EXOC4: variants seen among roughly 807,000 people sequenced by gnomAD.
The protein encoded by EXOC4 is SEC8-like 1.
EXOC4 carries 71 observed loss-of-function variants against 107.2 expected under a neutral mutation model. That is an observed-to-expected ratio of 0.66 (90% CI 0.55 to 0.81). EXOC4 has a LOEUF of 0.81. EXOC4 is among the 30% of genes least tolerant of loss of function. EXOC4 has a pLI of 0.00. For missense variants in EXOC4, 1,108 were observed against 1,189.6 expected (o/e 0.93, Z 1.01); for synonymous variants, 456 against 441.2 (o/e 1.03, Z -0.42).
chr7:133,342,350 G>A (rs1049955969), intron 5 of EXOC4, among the ~76,000 whole-genome samples: 1 of 152,080 alleles, frequency 6.6e-6, no homozygotes, highest in African/African-American at 2.4e-5. Context: ...GTTTAAGGAG[G>A]CTAAATATAG....
chr7:133,768,052 C>G (rs544151096), intron 10 of EXOC4: 1 of 152,092 alleles, frequency 6.6e-6, no homozygotes, highest in East Asian at 1.9e-4. Context: ...ATGATTTGAA[C>G]AGTTTGAGCC....
At position 133,901,513 on chromosome 7, in the gene EXOC4, A is replaced by G. The variant is rs577211287; in HGVS notation, c.1871+5778A>G. On this transcript the variant is annotated intron_variant, in intron 12 of 17. Transcript: ENST00000253861. The stretch of plus-strand genomic sequence containing the variant: ...GCCAGCTTTTCTACCTACTATTTAT[A>G]TGACACTGAAAAGCTCCTCAGCCTC... Among the ~76,000 whole-genome samples the G allele has an allele frequency of 1.6e-4, 24 of 152,280 alleles. No individual in the cohort carries two copies. In the South Asian group the frequency reaches 4.3e-3, roughly 28 times the overall value.
intron 14 of EXOC4, among the ~76,000 whole-genome samples, chr7:133,989,118 A>G (rs1194639017): frequency 6.6e-6 from 1 of 152,216 alleles, no homozygotes; most frequent in African/African-American, 2.4e-5. Context: ...AAAAATAAAT[A>G]TTAAGAAAAT....
chr7:133,562,721 A>T (rs1800833381), intron 9 of EXOC4, among the ~76,000 whole-genome samples: 1 of 152,208 alleles, frequency 6.6e-6, no homozygotes, highest in Non-Finnish European at 1.5e-5. Flanking sequence ...CTAACGATAC[A>T]ACGAATACAT....
Position 133,253,083 on chromosome 7 carries a change from G to C in EXOC4, c.-19G>C. On this transcript the variant is annotated 5_prime_UTR_variant, in exon 1 of 18. Coordinates refer to ENST00000253861, the MANE Select transcript of EXOC4 (RefSeq NM_021807.4). Reference sequence around the variant, plus strand: ...ACCCTTGGCTTCCTTGGAGCCTAGCGGCTCTCCCCGCGTCCAAGATGGCGG... The same window carrying C: ...ACCCTTGGCTTCCTTGGAGCCTAGCCGCTCTCCCCGCGTCCAAGATGGCGG... 1 of 1,613,670 alleles carries C rather than the reference G, an allele frequency of 6.2e-7. No homozygotes were observed. Among genetic ancestry groups the C allele is most frequent in the Non-Finnish European group, 8.5e-7 (1 of 1,179,614 alleles).
intron 12 of EXOC4, among the ~76,000 whole-genome samples, chr7:133,916,673 C>T (rs180832364): frequency 6.6e-6 from 1 of 152,204 alleles, no homozygotes; most frequent in East Asian, 1.9e-4. Flanking sequence ...GCATAATGCC[C>T]CCCAGAGTGA....
intron 9 of EXOC4, among the ~76,000 whole-genome samples, chr7:133,602,760 G>C (rs776318604): frequency 3.3e-5 from 5 of 152,200 alleles, no homozygotes; most frequent in African/African-American, 4.8e-5. Flanking sequence ...AGCTTCAGCT[G>C]GGCCTTTCTT....
chr7:133,965,233 A>T (rs773558641), intron 14 of EXOC4, among the ~76,000 whole-genome samples: 7 of 152,034 alleles, frequency 4.6e-5, no homozygotes, highest in African/African-American at 1.7e-4. Context: ...ATATTAACCC[A>T]TTGTCAGATG....
rs1455562013 is a variant in EXOC4 at position 133,834,385 on chromosome 7, C to A, written c.1734+16841C>A. ...AGTGCCCACCTTATCTTAAAAAAAT[C>A]AAATGTTTAGCCAACCGGGATTAGT... On this transcript the variant is annotated intron_variant, in intron 11 of 17. Coordinates refer to ENST00000253861, the MANE Select transcript of EXOC4 (RefSeq NM_021807.4). 2.6e-5 allele frequency among the ~76,000 whole-genome samples: 4 copies of A among 152,216 alleles called. No individual in the cohort carries two copies. In the Middle Eastern group the frequency reaches 0.01, roughly 388 times the overall value.
intron 9 of EXOC4, among the ~76,000 whole-genome samples, chr7:133,483,600 C>A (rs1799205340): frequency 6.6e-6 from 1 of 152,082 alleles, no homozygotes. Context: ...CTGGTTACAA[C>A]AGAAGAAAAG....
At chr7:133,408,048 T>C (rs1157828856) in intron 7 of EXOC4, among the ~76,000 whole-genome samples, 1 of 152,018 alleles carries the variant, frequency 6.6e-6, no homozygotes, top group Non-Finnish European at 1.5e-5. Context: ...GAGAAGTTAG[T>C]GGTGATGTTG....
chr7:133,458,059 A>G (rs758641244), intron 7 of EXOC4, among the ~76,000 whole-genome samples: 46 of 152,328 alleles, frequency 3.0e-4, no homozygotes, highest in Non-Finnish European at 5.0e-4. Context: ...TAATAAATGT[A>G]TACCTAAAGA....
At chr7:133,305,369 A>G (rs1794729280) in intron 3 of EXOC4, among the ~76,000 whole-genome samples, 1 of 152,138 alleles carries the variant, frequency 6.6e-6, no homozygotes, top group East Asian at 1.9e-4. Context: ...AAATGTATTT[A>G]CCTCTGTGTG....
At chr7:133,730,329 T>C (rs548548478) in intron 10 of EXOC4, among the ~76,000 whole-genome samples, 3 of 151,814 alleles carry the variant, frequency 2.0e-5, no homozygotes, top group East Asian at 1.9e-4. Context: ...AGGGACCTTA[T>C]AGGGGAGATC....
At chr7:133,402,498 A>AT (rs1023373181) in intron 7 of EXOC4, among the ~76,000 whole-genome samples, 6 of 152,038 alleles carry the variant, frequency 3.9e-5, no homozygotes, top group South Asian at 2.1e-4. Context: ...CGTTTCATTC[A>AT]TTCATTTATT....
chr7:134,020,065 A>G (rs1794994697), intron 17 of EXOC4, among the ~76,000 whole-genome samples: 1 of 152,164 alleles, frequency 6.6e-6, no homozygotes, highest in Non-Finnish European at 1.5e-5. Context: ...TCAGAATCTC[A>G]CCACAAATTA....
chr7:133,740,916 A>G (rs1441301773), intron 10 of EXOC4, among the ~76,000 whole-genome samples: 3 of 152,210 alleles, frequency 2.0e-5, no homozygotes, highest in Non-Finnish European at 2.9e-5. Flanking sequence ...ATTTGGAGGT[A>G]TAATAGCTAG....
rs1480273714 is a variant in EXOC4, at chr7:133,997,537, C to A, written c.2252C>A (p.Pro751Gln). The change falls in exon 15 of 18, where the codon CCA (proline) becomes CAA (glutamine). Residue 751 changes from proline to glutamine, a missense_variant. Transcript: ENST00000253861. ...QDSHTNTDLP[P>Q]VSEQIMQTLS... ...AGCCACACGAACACGGATCTCCCCC[C>A]AGTGTCAGAGCAGATCATGCAGACT... 1 of 1,613,764 alleles carries A rather than the reference C, an allele frequency of 6.2e-7. No homozygotes were observed. Among genetic ancestry groups the A allele is most frequent in the Non-Finnish European group, 8.5e-7 (1 of 1,179,788 alleles).
At chr7:133,821,877 G>C (rs1012346205) in intron 11 of EXOC4, among the ~76,000 whole-genome samples, 1 of 152,194 alleles carries the variant, frequency 6.6e-6, no homozygotes, top group Non-Finnish European at 1.5e-5. Context: ...GAATGAATGA[G>C]TGAATGAAAA....
Sources: allele counts gnomAD v4.1 joint callset (sites outside exome capture counted in the v4.1 genomes callset), GRCh38; gene constraint gnomAD v4.1.1; transcripts MANE v1.5; gene names NCBI Gene and HGNC (gene_info 2026-07-23, HGNC 2026-07-21).